CTNNA3: variants seen among roughly 807,000 people sequenced by gnomAD.
CTNNA3 encodes catenin alpha-3.
In CTNNA3, 76 loss-of-function variants were observed where a neutral mutation model predicts 95.7. That is an observed-to-expected ratio of 0.79 (90% CI 0.66 to 0.96). CTNNA3 has a LOEUF of 0.96. Ranked by LOEUF, CTNNA3 falls within the 40% of genes least tolerant of loss-of-function variation. The pLI is 0.00. For synonymous variants in CTNNA3, 431 were observed against 374.4 expected (o/e 1.15, Z -1.74); for missense variants, 1,191 against 1,089.8 (o/e 1.09, Z -1.31).
At chr10:67,535,194 G>T (rs1050780457) in intron 4 of CTNNA3, among the ~76,000 whole-genome samples, 2 of 152,076 alleles carry the variant, frequency 1.3e-5, no homozygotes, top group Admixed American at 1.3e-4. Context: ...AAGAAGCATG[G>T]TTTATACAGC....
chr10:66,263,401 A>G (rs753219841), intron 13 of CTNNA3, among the ~76,000 whole-genome samples: 3 of 152,064 alleles, frequency 2.0e-5, no homozygotes, highest in Non-Finnish European at 4.4e-5. Flanking sequence ...ATTAACAACT[A>G]GAAGTTCTTA....
At chr10:67,263,843 C>G (rs759198608) in intron 5 of CTNNA3, among the ~76,000 whole-genome samples, 1 of 152,082 alleles carries the variant, frequency 6.6e-6, no homozygotes, top group Non-Finnish European at 1.5e-5. Context: ...ACACCTACCC[C>G]TGGGAACGAG....
At chr10:66,532,247 G>C (rs1318167644) in intron 10 of CTNNA3, among the ~76,000 whole-genome samples, 2 of 152,110 alleles carry the variant, frequency 1.3e-5, no homozygotes, top group Non-Finnish European at 2.9e-5. Context: ...TGGATCACAA[G>C]GTCAGGAGAT....
At chr10:66,236,702 A>G (rs2089869467) in intron 13 of CTNNA3, among the ~76,000 whole-genome samples, 1 of 152,212 alleles carries the variant, frequency 6.6e-6, no homozygotes, top group African/African-American at 2.4e-5. Context: ...GGAGATACAA[A>G]GAAAAAATAT....
At chr10:66,449,230 T>C (rs746350155) in intron 11 of CTNNA3, among the ~76,000 whole-genome samples, 1 of 152,158 alleles carries the variant, frequency 6.6e-6, no homozygotes, top group East Asian at 1.9e-4. Context: ...TTCATCTACA[T>C]TGAGTGCTGA....
chr10:66,044,432 T>C (rs1359290737), intron 15 of CTNNA3, among the ~76,000 whole-genome samples: 3 of 152,166 alleles, frequency 2.0e-5, no homozygotes, highest in Non-Finnish European at 2.9e-5. Flanking sequence ...ATTTTTTTTT[T>C]TTTAGAAATT....
intron 5 of CTNNA3, among the ~76,000 whole-genome samples, chr10:67,432,069 T>C (rs1846127331): frequency 6.6e-6 from 1 of 151,994 alleles, no homozygotes; most frequent in South Asian, 2.1e-4. Context: ...TGAAACAGCA[T>C]TTCAAACTTG....
At chr10:67,499,485 T>G (rs761761494) in intron 5 of CTNNA3, among the ~76,000 whole-genome samples, 1 of 152,200 alleles carries the variant, frequency 6.6e-6, no homozygotes, top group Non-Finnish European at 1.5e-5. Flanking sequence ...TTCTATTGTT[T>G]GGAATAGTTT....
intron 7 of CTNNA3, among the ~76,000 whole-genome samples, chr10:67,048,132 C>G (rs1854863928): frequency 6.6e-6 from 1 of 152,070 alleles, no homozygotes; most frequent in Admixed American, 6.5e-5. Context: ...CCTTCACGGT[C>G]TTCCTCCCTT....
chr10:66,390,148 C>T (rs924578283), intron 11 of CTNNA3, among the ~76,000 whole-genome samples: 1 of 152,106 alleles, frequency 6.6e-6, no homozygotes, highest in Non-Finnish European at 1.5e-5. Context: ...CTTTCTACAG[C>T]CAAAGTAGAA....
intron 7 of CTNNA3, chr10:66,926,797 A>G (rs1847102859): frequency 1.0e-6 from 1 of 974,218 alleles, no homozygotes; most frequent in Non-Finnish European, 1.5e-6. Context: ...AAGAGATAAT[A>G]TGTGATGTTA....
intron 11 of CTNNA3, among the ~76,000 whole-genome samples, chr10:66,424,392 C>A (rs1318081669): frequency 6.6e-6 from 1 of 152,014 alleles, no homozygotes; most frequent in African/African-American, 2.4e-5. Context: ...GCCTAAATAA[C>A]TGTGTCCCTT....
At chr10:66,115,749 A>C (rs1448279857) in intron 13 of CTNNA3, among the ~76,000 whole-genome samples, 2 of 152,176 alleles carry the variant, frequency 1.3e-5, no homozygotes, top group Admixed American at 6.5e-5. Context: ...TCCTAGGCAC[A>C]GTAATAAAGC....
rs1028811068 is a variant in CTNNA3 at position 66,661,286 on chromosome 10, T to C, written c.1282-39502A>G. On this transcript the variant is annotated intron_variant, in intron 9 of 17. Coordinates refer to ENST00000433211, the MANE Select transcript of CTNNA3 (RefSeq NM_013266.4). Reference sequence around the variant, plus strand: ...ACATGGCTGGGAGGCCTCAGAATCATGGCGGGAGGCAAAAGGCACTTCTTA... The same window carrying C: ...ACATGGCTGGGAGGCCTCAGAATCACGGCGGGAGGCAAAAGGCACTTCTTA... 8.5e-5 allele frequency among the ~76,000 whole-genome samples: 13 copies of C among 152,084 alleles called. No individual in the cohort carries two copies. In the East Asian group the frequency reaches 2.5e-3, roughly 29 times the overall value.
chr10:66,078,666 A>T (rs2080627799), intron 14 of CTNNA3, among the ~76,000 whole-genome samples: 1 of 151,968 alleles, frequency 6.6e-6, no homozygotes, highest in Non-Finnish European at 1.5e-5. Flanking sequence ...TTTTATTTTT[A>T]AATATAAATA....
chr10:66,212,855 T>A (rs1162726116), intron 13 of CTNNA3, among the ~76,000 whole-genome samples: 1 of 151,966 alleles, frequency 6.6e-6, no homozygotes, highest in Non-Finnish European at 1.5e-5. Flanking sequence ...ACTACAAAAA[T>A]TAGTAGTTTT....
At chr10:67,048,225 G>T (rs1443827961) in intron 7 of CTNNA3, among the ~76,000 whole-genome samples, 1 of 152,002 alleles carries the variant, frequency 6.6e-6, no homozygotes, top group African/African-American at 2.4e-5. Context: ...CCCTACTCAT[G>T]AAAAATCATT....
intron 9 of CTNNA3, among the ~76,000 whole-genome samples, chr10:66,717,399 A>G (rs1848487014): frequency 1.3e-5 from 2 of 152,082 alleles, no homozygotes; most frequent in African/African-American, 4.8e-5. Context: ...CGGTTTCTAG[A>G]ATTTATGGCA....
At chr10:66,793,781 T>TA (rs1329686097) in intron 7 of CTNNA3, among the ~76,000 whole-genome samples, 1 of 152,154 alleles carries the variant, frequency 6.6e-6, no homozygotes, top group Non-Finnish European at 1.5e-5. Flanking sequence ...GTCTCTTAAA[T>TA]AGACTTATGA....
Sources: allele counts gnomAD v4.1 joint callset (sites outside exome capture counted in the v4.1 genomes callset), GRCh38; gene constraint gnomAD v4.1.1; transcripts MANE v1.5; gene names NCBI Gene and HGNC (gene_info 2026-07-23, HGNC 2026-07-21).